The following RASAL2 variants were observed in gnomAD, a reference collection of about 807,000 sequenced individuals.
RASAL2 encodes the protein RAS protein activator like 2, also known as ras GTPase-activating protein nGAP.
RASAL2 carries 58 observed loss-of-function variants against 128.9 expected under a neutral mutation model. The ratio of observed to expected loss-of-function variants is 0.45; its 90% CI spans 0.36 to 0.56. The LOEUF is 0.56. RASAL2 is among the 20% of genes least tolerant of loss of function. The pLI is 0.00. For missense variants in RASAL2, 1,360 were observed against 1,601.6 expected (o/e 0.85, Z 2.57); for synonymous variants, 561 against 580.8 (o/e 0.97, Z 0.49).
chr1:178,226,881 A>G (rs1406022572), intron 1 of RASAL2, among the ~76,000 whole-genome samples: 1 of 152,206 alleles, frequency 6.6e-6, no homozygotes, highest in African/African-American at 2.4e-5. Flanking sequence ...TGGAGGTTGC[A>G]GTGAGCCAAG....
intron 2 of RASAL2, among the ~76,000 whole-genome samples, chr1:178,286,677 G>A (rs1667045219): frequency 6.6e-6 from 1 of 152,232 alleles, no homozygotes; most frequent in Admixed American, 6.5e-5. Context: ...CTCCCAAAGT[G>A]CTGGGATTAT....
At chr1:178,425,872 G>T (rs943068580) in intron 5 of RASAL2, among the ~76,000 whole-genome samples, 11 of 152,202 alleles carry the variant, frequency 7.2e-5, no homozygotes, top group Non-Finnish European at 1.6e-4. Context: ...ATATATTGGT[G>T]GGCCCAATAA....
At chr1:178,366,097 G>T (rs1423119041) in intron 3 of RASAL2, among the ~76,000 whole-genome samples, 1 of 151,996 alleles carries the variant, frequency 6.6e-6, no homozygotes, top group East Asian at 1.9e-4. Context: ...TTTAATTTTT[G>T]TTCTTGGTTT....
At chr1:178,099,365 A>G (rs760387803) in intron 1 of RASAL2, among the ~76,000 whole-genome samples, 2 of 152,230 alleles carry the variant, frequency 1.3e-5, no homozygotes, top group Non-Finnish European at 2.9e-5. Context: ...ACAGTTTTTC[A>G]TTGAAATCAG....
intron 3 of RASAL2, among the ~76,000 whole-genome samples, chr1:178,371,353 A>ACAC (rs59882717): frequency 9.1e-5 from 10 of 109,692 alleles, no homozygotes; most frequent in Admixed American, 7.8e-4. Context: ...CACACACACA[A>ACAC]ATACACACAC....
At chr1:178,311,666 C>G (rs547154470) in intron 3 of RASAL2, among the ~76,000 whole-genome samples, 1 of 152,106 alleles carries the variant, frequency 6.6e-6, no homozygotes, top group African/African-American at 2.4e-5. Context: ...GACTCCTCCA[C>G]CTTTCTTCTC....
At chr1:178,426,805 A>T (rs1675545787) in intron 5 of RASAL2, among the ~76,000 whole-genome samples, 1 of 152,048 alleles carries the variant, frequency 6.6e-6, no homozygotes, top group Non-Finnish European at 1.5e-5. Context: ...TGTCAAACTG[A>T]GGAGTTTGGA....
intron 1 of RASAL2, among the ~76,000 whole-genome samples, chr1:178,164,499 G>GTT (rs1661447322): frequency 6.9e-6 from 1 of 145,118 alleles, no homozygotes; most frequent in African/African-American, 2.6e-5. Context: ...GTGTGTGTGT[G>GTT]TGTGTGCGTG....
At chr1:178,143,987 T>A (rs1444341763) in intron 1 of RASAL2, among the ~76,000 whole-genome samples, 2 of 152,176 alleles carry the variant, frequency 1.3e-5, no homozygotes, top group Admixed American at 1.3e-4. Flanking sequence ...TTACCTACTA[T>A]CAGGAATAAT....
intron 1 of RASAL2, among the ~76,000 whole-genome samples, chr1:178,272,989 A>G (rs1666328906): frequency 6.6e-6 from 1 of 152,132 alleles, no homozygotes; most frequent in African/African-American, 2.4e-5. Context: ...TTAACCTTAA[A>G]TTGACTATCC....
At chr1:178,442,025 G>C (rs577216085) in intron 7 of RASAL2, among the ~76,000 whole-genome samples, 1 of 152,072 alleles carries the variant, frequency 6.6e-6, no homozygotes, top group African/African-American at 2.4e-5. Context: ...GAGTGACTTG[G>C]GGGGAAGGTG....
At chr1:178,395,167 T>C (rs185232361) in intron 4 of RASAL2, among the ~76,000 whole-genome samples, 5 of 152,292 alleles carry the variant, frequency 3.3e-5, no homozygotes, top group Admixed American at 2.6e-4. Context: ...TCAAAAAATA[T>C]ACTGATGCTT....
chr1:178,126,395 A>G (rs1380838371), intron 1 of RASAL2, among the ~76,000 whole-genome samples: 1 of 152,240 alleles, frequency 6.6e-6, no homozygotes, highest in African/African-American at 2.4e-5. Context: ...TTGACTAGCA[A>G]GGCAATCCTG....
At chr1:178,247,988 A>G (rs932696679) in intron 1 of RASAL2, among the ~76,000 whole-genome samples, 6 of 152,128 alleles carry the variant, frequency 3.9e-5, no homozygotes, top group Admixed American at 3.3e-4. Flanking sequence ...TTTACTTCCA[A>G]TTATGTGGTC....
chr1:178,131,375 CTTTTTTT>C (rs71108028), intron 1 of RASAL2, among the ~76,000 whole-genome samples: 2 of 82,604 alleles, frequency 2.4e-5, no homozygotes, highest in South Asian at 4.1e-4. Context: ...CCTGGATAAT[CTTTTTTT>C]TTTTTTTTTT....
At chr1:178,348,975 A>G (rs977389609) in intron 3 of RASAL2, among the ~76,000 whole-genome samples, 59 of 150,942 alleles carry the variant, frequency 3.9e-4, no homozygotes, top group African/African-American at 1.4e-3. Flanking sequence ...AATTTTTTGT[A>G]TTTTTAGTGG....
chr1:178,307,448 G>A (rs1253477665), intron 3 of RASAL2, among the ~76,000 whole-genome samples: 1 of 152,118 alleles, frequency 6.6e-6, no homozygotes, highest in Non-Finnish European at 1.5e-5. Context: ...TTCAAACCAT[G>A]CAAAGCATGA....
chr1:178,344,290 G>A (rs1051687579), intron 3 of RASAL2, among the ~76,000 whole-genome samples: 2 of 152,112 alleles, frequency 1.3e-5, no homozygotes, highest in African/African-American at 4.8e-5. Context: ...TGCTTTCTTT[G>A]CTGTTGCAAT....
chr1:178,230,389 T>G (rs1222979401), intron 1 of RASAL2, among the ~76,000 whole-genome samples: 1 of 152,198 alleles, frequency 6.6e-6, no homozygotes, highest in Non-Finnish European at 1.5e-5. Flanking sequence ...CCATAGAAAT[T>G]GTACCATTTT....
Sources: gnomAD v4.1 joint callset for allele counts (sites outside exome capture counted in the v4.1 genomes callset) on GRCh38, gnomAD v4.1.1 for gene constraint, MANE v1.5 for transcripts, NCBI Gene and HGNC (gene_info 2026-07-23, HGNC 2026-07-21) for gene names.